The following NCAM2 variants were observed in gnomAD, a reference collection of about 807,000 sequenced individuals.
The protein encoded by NCAM2 is neural cell adhesion molecule 2.
Under a neutral mutation model 98.1 loss-of-function variants are expected in NCAM2, and 30 were observed. The ratio of observed to expected loss-of-function variants is 0.31; its 90% CI spans 0.23 to 0.41. The LOEUF (loss-of-function observed/expected upper bound fraction) is 0.41. Ranked by LOEUF, NCAM2 falls within the 10% of genes least tolerant of loss-of-function variation. The pLI is 1.00. For synonymous variants in NCAM2, 368 were observed against 342.4 expected, an observed-to-expected ratio of 1.07 and a Z score of -0.83; for missense variants, 867 against 1,005.8, an observed-to-expected ratio of 0.86 and a Z score of 1.87.
intron 1 of NCAM2, among the ~76,000 whole-genome samples, chr21:21,008,656 A>G (rs763877150): frequency 6.6e-6 from 1 of 152,210 alleles, no homozygotes; most frequent in African/African-American, 2.4e-5. Flanking sequence ...ACTCACATCC[A>G]TGAAGCAGTT....
intron 5 of NCAM2, among the ~76,000 whole-genome samples, chr21:21,312,310 G>T (rs970638398): frequency 3.3e-5 from 5 of 150,910 alleles, no homozygotes; most frequent in African/African-American, 1.2e-4. Context: ...ATTGAGTATT[G>T]ATTAATATGC....
intron 1 of NCAM2, among the ~76,000 whole-genome samples, chr21:21,078,547 C>G (rs776236173): frequency 6.6e-6 from 1 of 152,052 alleles, no homozygotes; most frequent in Admixed American, 6.5e-5. Context: ...CAGATGCTGG[C>G]GAGACTGTGG....
At chr21:21,332,189 T>TA (rs1170073229) in intron 6 of NCAM2, among the ~76,000 whole-genome samples, 3 of 152,150 alleles carry the variant, frequency 2.0e-5, no homozygotes, top group Non-Finnish European at 4.4e-5. Context: ...ATTACAGGTG[T>TA]GAGCCACCAT....
rs1990097188 is a variant in NCAM2, at chr21:21,538,386, TA to T, written c.*432del. The T allele has an allele frequency of 6.5e-6, 1 of 152,728 alleles. No individual in the cohort carries two copies. The highest frequency in any genetic ancestry group is 2.4e-5 in the African/African-American group (1 of 41,458). 9.5% of individuals were successfully genotyped at this position (152,728 alleles called of 1,614,324 possible). A position where few individuals can be genotyped will look rare whatever the true frequency, so the allele number is the denominator to read the frequency against. On this transcript the variant is annotated 3_prime_UTR_variant, in exon 18 of 18. Coordinates refer to ENST00000400546, the MANE Select transcript of NCAM2 (RefSeq NM_004540.5). ...GTCCTATTCTGGGCAAATAGATTCT[TA>T]AAGTGGCTTTCAACTTCAAGATGAA...
chr21:21,164,554 T>A (rs1050252706), intron 1 of NCAM2, among the ~76,000 whole-genome samples: 1 of 152,202 alleles, frequency 6.6e-6, no homozygotes, highest in Non-Finnish European at 1.5e-5. Flanking sequence ...AGTCAAAATC[T>A]GTGTTTTCAC....
chr21:21,170,352 A>G (rs903786397), intron 1 of NCAM2, among the ~76,000 whole-genome samples: 3 of 152,242 alleles, frequency 2.0e-5, no homozygotes, highest in African/African-American at 7.2e-5. Flanking sequence ...TAATTAGTAA[A>G]TGGTAATACA....
chr21:21,362,625 T>C (rs1002095082), intron 8 of NCAM2, among the ~76,000 whole-genome samples: 2 of 152,284 alleles, frequency 1.3e-5, no homozygotes, highest in East Asian at 1.9e-4. Context: ...TCCTAGGGCA[T>C]TGCAAACTCT....
At chr21:21,117,582 A>G (rs147704630) in intron 1 of NCAM2, among the ~76,000 whole-genome samples, 1 of 152,352 alleles carries the variant, frequency 6.6e-6, no homozygotes, top group Non-Finnish European at 1.5e-5. Flanking sequence ...AGGAAATACT[A>G]CAATTTGCAA....
intron 1 of NCAM2, among the ~76,000 whole-genome samples, chr21:21,130,155 A>G (rs1199785901): frequency 6.6e-6 from 1 of 152,202 alleles, no homozygotes; most frequent in Non-Finnish European, 1.5e-5. Context: ...AATATATTTT[A>G]AATAAAATTT....
At chr21:21,217,814 G>A (rs1477697246) in intron 1 of NCAM2, among the ~76,000 whole-genome samples, 1 of 152,132 alleles carries the variant, frequency 6.6e-6, no homozygotes, top group Non-Finnish European at 1.5e-5. Context: ...GGAGTCAAAA[G>A]TAAGAGAAAG....
In NCAM2 at chr21:21,541,250, GA is replaced by G. The variant is rs941653959; in HGVS notation, c.*3300del. On this transcript the variant is annotated 3_prime_UTR_variant, in exon 18 of 18. Coordinates refer to ENST00000400546, the MANE Select transcript of NCAM2 (RefSeq NM_004540.5). ...AGCATGACAGTCTGCTTTATTAAAA[GA>G]AAAAAACTACAATTAACATCATTAC... 29 of 151,328 alleles carry G rather than the reference GA, an allele frequency of 1.9e-4. No homozygotes were observed. Among genetic ancestry groups the G allele is most frequent in the African/African-American group, 4.3e-4 (18 of 41,408 alleles). The allele number at this position is 151,328 out of a possible 1,614,324, so 9.4% of individuals were successfully genotyped here. A position where few individuals can be genotyped will look rare whatever the true frequency, so the allele number is the denominator to read the frequency against.
In NCAM2 at chr21:21,248,520, T is replaced by A. The variant is rs190303606; in HGVS notation, c.56-32058T>A. On this transcript the variant is annotated intron_variant, in intron 1 of 17. Coordinates refer to ENST00000400546, the MANE Select transcript of NCAM2 (RefSeq NM_004540.5). Reference sequence around the variant, plus strand: ...ATTAAGATTTATGAATTTCTGCCTGTAATCCCAGCACTTTGGGAGGCCGAG... The same window carrying A: ...ATTAAGATTTATGAATTTCTGCCTGAAATCCCAGCACTTTGGGAGGCCGAG... Among the ~76,000 whole-genome samples, 3 of 152,162 alleles carry A rather than the reference T, an allele frequency of 2.0e-5. No individual in the cohort carries two copies. The East Asian group carries it at 5.8e-4, about 29-fold the overall frequency.
chr21:21,385,433 C>T (rs901746794), intron 9 of NCAM2, among the ~76,000 whole-genome samples: 1 of 150,824 alleles, frequency 6.6e-6, no homozygotes, highest in African/African-American at 2.4e-5. Flanking sequence ...ATTACCAGAA[C>T]AGTCTTATAC....
intron 5 of NCAM2, among the ~76,000 whole-genome samples, chr21:21,316,039 T>C (rs1218971746): frequency 6.6e-6 from 1 of 152,196 alleles, no homozygotes; most frequent in Non-Finnish European, 1.5e-5. Flanking sequence ...CTTACTTTTT[T>C]ATTGATATTT....
chr21:21,097,019 A>T (rs2066138189), intron 1 of NCAM2, among the ~76,000 whole-genome samples: 2 of 151,630 alleles, frequency 1.3e-5, no homozygotes, highest in Admixed American at 1.3e-4. Context: ...TTTCAATTTC[A>T]CTTACAGCAT....
chr21:21,057,424 A>G (rs950745321), intron 1 of NCAM2, among the ~76,000 whole-genome samples: 5 of 152,148 alleles, frequency 3.3e-5, no homozygotes, highest in Admixed American at 2.6e-4. Context: ...CTTCCATTTT[A>G]AAGATTTTAT....
At chr21:21,041,865 A>G (rs2064912392) in intron 1 of NCAM2, among the ~76,000 whole-genome samples, 1 of 152,160 alleles carries the variant, frequency 6.6e-6, no homozygotes, top group Non-Finnish European at 1.5e-5. Context: ...CATCAGACAA[A>G]TAATTAGGGA....
intron 1 of NCAM2, among the ~76,000 whole-genome samples, chr21:21,010,897 C>T (rs564153938): frequency 6.6e-6 from 1 of 152,198 alleles, no homozygotes; most frequent in African/African-American, 2.4e-5. Flanking sequence ...AGTGAATACT[C>T]AAAGACTAAT....
intron 5 of NCAM2, among the ~76,000 whole-genome samples, chr21:21,322,067 C>T (rs1039569899): frequency 6.6e-6 from 1 of 152,178 alleles, no homozygotes; most frequent in Non-Finnish European, 1.5e-5. Flanking sequence ...TGGTACCCAT[C>T]AACGGTGGAC....
Sources: allele counts gnomAD v4.1 joint callset (sites outside exome capture counted in the v4.1 genomes callset), GRCh38; gene constraint gnomAD v4.1.1; transcripts MANE v1.5; gene names NCBI Gene and HGNC (gene_info 2026-07-23, HGNC 2026-07-21).